Variants in WDPCP observed in about 807,000 individuals in gnomAD.
WDPCP encodes WD repeat-containing and planar cell polarity effector protein fritz homolog.
Under a neutral mutation model 93.1 loss-of-function variants are expected in WDPCP, and 71 were observed. The observed-to-expected ratio is 0.76, with a 90% CI of 0.63 to 0.93. The LOEUF (loss-of-function observed/expected upper bound fraction) is 0.93, where lower values mean the gene tolerates loss of function less well. Among genes scored for constraint, WDPCP ranks in the 40% least tolerant of loss-of-function variants. The probability of loss-of-function intolerance (pLI) is 0.00; values close to 1 mark genes in which losing one functional copy is unlikely to be tolerated. For missense variants in WDPCP, 844 were observed against 887.4 expected (o/e 0.95, Z 0.62); for synonymous variants, 315 against 315.0 (o/e 1.00, Z 0.00).
Position 63,144,938 on chromosome 2 carries a change from C to T in WDPCP, c.2190+7976G>A, listed in dbSNP as rs554976438. On this transcript the variant is annotated intron_variant, in intron 17 of 17. Coordinates refer to ENST00000272321, the MANE Select transcript of WDPCP (RefSeq NM_015910.7). ...AGGCTGCTGTTCAGGTTCTTTTGTCCCACAGGGTGTTCCCTTGATGTAGTA... is the reference window on the plus strand; with the variant it reads ...AGGCTGCTGTTCAGGTTCTTTTGTCTCACAGGGTGTTCCCTTGATGTAGTA... Among the ~76,000 whole-genome samples the T allele has an allele frequency of 2.0e-4, 31 of 152,244 alleles. 1 individual carries two copies. The South Asian group carries it at 6.2e-3, about 31-fold the overall frequency.
chr2:63,153,805 G>A (rs528132101), intron 15 of WDPCP, among the ~76,000 whole-genome samples: 22 of 151,858 alleles, frequency 1.4e-4, no homozygotes, highest in South Asian at 1.0e-3. Flanking sequence ...ATATTTTACC[G>A]GACATTTCAA....
At chr2:63,155,383 A>T (rs1380895621) in intron 15 of WDPCP, among the ~76,000 whole-genome samples, 1 of 152,152 alleles carries the variant, frequency 6.6e-6, no homozygotes, top group Non-Finnish European at 1.5e-5. Flanking sequence ...CATTTGTTGA[A>T]AAACTATCCT....
At chr2:63,746,246 A>C (rs1265666535) in intron 2 of WDPCP, among the ~76,000 whole-genome samples, 1 of 152,182 alleles carries the variant, frequency 6.6e-6, no homozygotes, top group Non-Finnish European at 1.5e-5. Flanking sequence ...TCCCCAATCA[A>C]TACTCTTGTG....
chr2:63,424,149 C>T (rs1052199482), intron 9 of WDPCP, among the ~76,000 whole-genome samples: 3 of 151,714 alleles, frequency 2.0e-5, no homozygotes, highest in Non-Finnish European at 1.5e-5. Flanking sequence ...AGAGATCCCA[C>T]AACCCCCATA....
At chr2:63,699,823 T>A (rs1669018284) in intron 2 of WDPCP, among the ~76,000 whole-genome samples, 1 of 152,318 alleles carries the variant, frequency 6.6e-6, no homozygotes, top group South Asian at 2.1e-4. Context: ...TAAAAAAATG[T>A]GTCTTAGAAT....
At chr2:63,667,263 C>T (rs1710294894) in intron 2 of WDPCP, among the ~76,000 whole-genome samples, 1 of 152,188 alleles carries the variant, frequency 6.6e-6, no homozygotes, top group African/African-American at 2.4e-5. Context: ...GTGATGTTCA[C>T]ACACCCATTT....
intron 3 of WDPCP, chr2:63,599,870 G>A (rs1463389886): frequency 6.6e-6 from 1 of 152,216 alleles, no homozygotes; most frequent in African/African-American, 2.4e-5. Flanking sequence ...AGTATGCCAA[G>A]GAGCCAGTGA....
intron 15 of WDPCP, 75 bp from the exon 16 acceptor site, chr2:63,153,649 T>A: frequency 1.0e-6 from 1 of 967,864 alleles, no homozygotes; most frequent in South Asian, 1.9e-5. Flanking sequence ...AAGTTATAGA[T>A]TTTAAAGTAT....
At chr2:63,748,113 C>G (rs1161947394) in intron 2 of WDPCP, among the ~76,000 whole-genome samples, 2 of 151,792 alleles carry the variant, frequency 1.3e-5, no homozygotes, top group Non-Finnish European at 2.9e-5. Context: ...TATCTGACAA[C>G]TTTTGTTAAA....
chr2:63,795,013 A>G (rs990497169), intron 2 of WDPCP, among the ~76,000 whole-genome samples: 2 of 152,246 alleles, frequency 1.3e-5, no homozygotes, highest in African/African-American at 4.8e-5. Flanking sequence ...GAAAATGACA[A>G]CACAGAAAAG....
chr2:63,178,652 C>A (rs1673999917), intron 14 of WDPCP, among the ~76,000 whole-genome samples: 1 of 151,466 alleles, frequency 6.6e-6, no homozygotes, highest in Admixed American at 6.6e-5. Flanking sequence ...TTAGAAAAAC[C>A]ACCTCTTAAG....
chr2:63,798,574 A>G (rs1284936434), intron 2 of WDPCP, among the ~76,000 whole-genome samples: 1 of 152,142 alleles, frequency 6.6e-6, no homozygotes, highest in Admixed American at 6.5e-5. Context: ...TATAATGGAT[A>G]CACAAAAAAT....
At chr2:63,373,317 A>C (rs1303327077) in intron 12 of WDPCP, among the ~76,000 whole-genome samples, 2 of 150,974 alleles carry the variant, frequency 1.3e-5, no homozygotes. Context: ...TTGCAGGAAC[A>C]AGGCTCACTG....
At chr2:63,794,104 C>CA (rs1189053475) in intron 2 of WDPCP, among the ~76,000 whole-genome samples, 3 of 151,858 alleles carry the variant, frequency 2.0e-5, no homozygotes, top group Non-Finnish European at 4.4e-5. Context: ...CCATGTCATG[C>CA]AAAAAAAGAC....
intron 6 of WDPCP, chr2:63,443,049 T>C (rs866766389): frequency 2.0e-5 from 3 of 152,046 alleles, no homozygotes; most frequent in South Asian, 2.1e-4. Context: ...CCAAGTGAGG[T>C]TGGACATTCC....
At chr2:63,409,696 G>GA (rs1478043854) in intron 9 of WDPCP, among the ~76,000 whole-genome samples, 1 of 152,028 alleles carries the variant, frequency 6.6e-6, no homozygotes, top group Non-Finnish European at 1.5e-5. Context: ...AGAGCTTAAA[G>GA]AAAAAACAGT....
At chr2:63,371,312 A>G (rs779932207) in intron 12 of WDPCP, among the ~76,000 whole-genome samples, 10 of 152,058 alleles carry the variant, frequency 6.6e-5, no homozygotes, top group African/African-American at 9.7e-5. Flanking sequence ...TTTGCTACCA[A>G]TCTGTAACTG....
At chr2:63,333,060 T>A (rs1454645087) in intron 12 of WDPCP, among the ~76,000 whole-genome samples, 2 of 152,344 alleles carry the variant, frequency 1.3e-5, no homozygotes, top group Admixed American at 6.5e-5. Context: ...CACGATTTTT[T>A]ATTTTTTTGG....
chr2:63,599,297 GA>G lies in WDPCP; in HGVS notation n.488+51361del, dbSNP rs757624328. The G allele has an allele frequency of 2.5e-6, 4 of 1,605,918 alleles. No homozygotes were observed. In the African/African-American group the frequency reaches 4.0e-5, roughly 16 times the overall value. On this transcript the variant is annotated intron_variant and non_coding_transcript_variant, in intron 3 of 4. Coordinates refer to the WDPCP transcript ENST00000467687. ...CACAACCGAGCTAAAGCTCAAGTAA[GA>G]AAAATATATTTTAAATCTTGTGGTT...
Sources: allele counts gnomAD v4.1 joint callset (sites outside exome capture counted in the v4.1 genomes callset), GRCh38; gene constraint gnomAD v4.1.1; transcripts MANE v1.5; gene names NCBI Gene and HGNC (gene_info 2026-07-23, HGNC 2026-07-21).